Variants in LGALSL observed in about 807,000 individuals in gnomAD.
The protein encoded by LGALSL is galectin-related protein.
Under a neutral mutation model 19.5 loss-of-function variants are expected in LGALSL, and 13 were observed. That is an observed-to-expected ratio of 0.67 (90% CI 0.43 to 1.06). The LOEUF (loss-of-function observed/expected upper bound fraction) is 1.06, where lower values mean the gene tolerates loss of function less well. LGALSL is among the 50% of genes least tolerant of loss of function. The pLI is 0.00. For missense variants in LGALSL, 189 were observed against 219.3 expected, an observed-to-expected ratio of 0.86 and a Z score of 0.87; for synonymous variants, 86 against 78.3, an observed-to-expected ratio of 1.10 and a Z score of -0.52.
intron 1 of LGALSL, among the ~76,000 whole-genome samples, chr2:64,455,064 C>T (rs1033760397): frequency 6.6e-6 from 1 of 152,160 alleles, no homozygotes; most frequent in African/African-American, 2.4e-5. Flanking sequence ...AGGGGCCTGC[C>T]CTCCTCCGGC....
chr2:64,455,289 C>G (rs1686716135), intron 1 of LGALSL, 55 bp from the exon 2 acceptor site: 7 of 1,198,138 alleles, frequency 5.8e-6, no homozygotes, highest in African/African-American at 1.5e-5. Context: ...GGTTCTTCCT[C>G]CAGCCCCCCA....
At position 64,454,645 on chromosome 2, in the gene LGALSL, C is replaced by T. The variant is rs1572898488; in HGVS notation, c.36+64C>T. On this transcript the variant is annotated intron_variant, in intron 1 of 4. Coordinates refer to ENST00000238875, the MANE Select transcript of LGALSL (RefSeq NM_014181.3). The surrounding 1 kb of genome is among the most constrained non-coding windows in gnomAD (Gnocchi z 5.1). ...CCGTCCCGCACTCCGCCGCCGCCTG[C>T]TCCAGCAGTGCTGGGGTGCTGAGCA... The T allele has an allele frequency of 4.2e-6, 5 of 1,187,046 alleles. No individual in the cohort carries two copies. In the South Asian group the frequency reaches 1.0e-4, roughly 25 times the overall value. The allele number at this position is 1,187,046 out of a possible 1,614,324, so 73.5% of individuals were successfully genotyped here.
intron 3 of LGALSL, 79 bp downstream of exon 3, chr2:64,455,756 C>T: frequency 2.0e-6 from 2 of 1,006,970 alleles, no homozygotes; most frequent in African/African-American, 3.2e-5. Flanking sequence ...TTTAGCACTC[C>T]TCTTCCTCTC....
At chr2:64,455,284 T>G in intron 1 of LGALSL, 60 bp from the exon 2 acceptor site, 1 of 1,126,928 alleles carries the variant, frequency 8.9e-7, no homozygotes, top group Non-Finnish European at 1.4e-6. Flanking sequence ...GTGTGGGTTC[T>G]TCCTCCAGCC....
rs1686788714 is a variant in LGALSL at position 64,459,745 on chromosome 2, C to T, written c.*1317C>T. On this transcript the variant is annotated 3_prime_UTR_variant, in exon 5 of 5. Coordinates refer to ENST00000238875, the MANE Select transcript of LGALSL (RefSeq NM_014181.3). Reference sequence around the variant, plus strand: ...ATTAAGCTGTAGGTGTTACCCTGCACTTACGGAACTGATCAAACAGGTGAC... The same window carrying T: ...ATTAAGCTGTAGGTGTTACCCTGCATTTACGGAACTGATCAAACAGGTGAC... 2 of 152,196 alleles carry T rather than the reference C, an allele frequency of 1.3e-5. No individual in the cohort carries two copies. Among genetic ancestry groups the T allele is most frequent in the Non-Finnish European group, 2.9e-5 (2 of 68,038 alleles). 9.4% of individuals were successfully genotyped at this position (152,196 alleles called of 1,614,324 possible). A position where few individuals can be genotyped will look rare whatever the true frequency, so the allele number is the denominator to read the frequency against.
At chr2:64,455,253 C>A in intron 1 of LGALSL, 91 bp from the exon 2 acceptor site, 1 of 839,974 alleles carries the variant, frequency 1.2e-6, no homozygotes, top group Non-Finnish European at 2.1e-6. Context: ...ATGTGGAAGG[C>A]TGCTGGATTC....
intron 1 of LGALSL, among the ~76,000 whole-genome samples, chr2:64,455,007 A>G (rs1686709914): frequency 6.6e-6 from 1 of 152,078 alleles, no homozygotes; most frequent in African/African-American, 2.4e-5. Flanking sequence ...CACGTCCCGA[A>G]GGACAGGCCT....
chr2:64,454,577 TG>T lies in LGALSL; in HGVS notation c.34del (p.Val12Ter). On this transcript the variant is annotated frameshift_variant, in exon 1 of 5. Transcript: ENST00000238875. LOFTEE classifies it high-confidence loss of function. This position sits in a 1 kb window ranked among gnomAD's most constrained non-coding sequence, Gnocchi z 5.1. Reference sequence around the variant, plus strand: ...GGATCAGTGGCCGACAGCGATGCCGTGGTGGTGAGTGTGGCAGGGCGCGCGC... The same window carrying T: ...GGATCAGTGGCCGACAGCGATGCCGTGTGGTGAGTGTGGCAGGGCGCGCGC... MAGSVADSDA[V>X]VKLDDGHLNN... The T allele has an allele frequency of 6.9e-7, 1 of 1,445,550 alleles. No individual in the cohort carries two copies. Among genetic ancestry groups the T allele is most frequent in the South Asian group, 1.4e-5 (1 of 72,824 alleles). 89.5% of individuals were successfully genotyped at this position (1,445,550 alleles called of 1,614,324 possible). A position where few individuals can be genotyped will look rare whatever the true frequency, so the allele number is the denominator to read the frequency against.
intron 1 of LGALSL, 131 bp from the exon 2 acceptor site, chr2:64,455,213 G>A: frequency 1.4e-6 from 1 of 722,246 alleles, no homozygotes; most frequent in South Asian, 1.6e-5. Context: ...AAGAGACGGT[G>A]AAGAGGCATC....
Position 64,456,394 on chromosome 2 carries a change from A to G in LGALSL, c.304A>G (p.Ile102Val), listed in dbSNP as rs1686736889. The G allele has an allele frequency of 2.5e-6, 4 of 1,612,470 alleles. No individual in the cohort carries two copies. Among genetic ancestry groups the G allele is most frequent in the Non-Finnish European group, 3.4e-6 (4 of 1,179,270 alleles). The change falls in exon 4 of 5, where the codon ATA becomes GTA. Residue 102 changes from isoleucine to valine, a missense_variant. By Grantham distance (29) the Ile-to-Val change is conservative. Transcript: ENST00000238875. ...TDRQLLRNSC[I>V]SGERGEEQSA... ...TCGGCAGCTACTCAGAAATTCTTGT[A>G]TATCTGGGGAGAGGGGTGAAGAACA... is the stretch of plus-strand genomic sequence containing the variant.
Position 64,454,724 on chromosome 2 carries a change from C to T in LGALSL, c.36+143C>T, listed in dbSNP as rs1686703574. 4.3e-6 allele frequency: 2 copies of T among 463,076 alleles called. No individual in the cohort carries two copies. Among genetic ancestry groups the T allele is most frequent in the Non-Finnish European group, 6.7e-6 (2 of 299,362 alleles). The allele number at this position is 463,076 out of a possible 1,614,324, so 28.7% of individuals were successfully genotyped here. A position where few individuals can be genotyped will look rare whatever the true frequency, so the allele number is the denominator to read the frequency against. On this transcript the variant is annotated intron_variant, in intron 1 of 4. Transcript: ENST00000238875. The surrounding 1 kb of genome is among the most constrained non-coding windows in gnomAD (Gnocchi z 5.1). ...TGGGAAGGCGCCCGGTACCTGTTAG[C>T]AGCCGCTGGCTGCGCGCGGCCGGTG...
chr2:64,458,383 C>T lies in LGALSL; in HGVS notation c.474C>T (p.Asp158=), dbSNP rs776284272. 9 of 1,613,858 alleles carry T rather than the reference C, an allele frequency of 5.6e-6. No individual in the cohort carries two copies. The highest frequency in any genetic ancestry group is 1.6e-4 in the Middle Eastern group (1 of 6,062). Residue 158 remains aspartate, a synonymous_variant, in exon 5 of 5, where the codon GAC becomes GAT. Transcript: ENST00000238875. The stretch of plus-strand genomic sequence containing the variant: ...GCATTCAAACGTTATCTGCAATTGA[C>T]ACCATAAAGATAAATGGAGACCTCC... ...YHRIQTLSAI[D]TIKINGDLQI... is the part of the protein sequence containing the mutation.
Position 64,460,536 on chromosome 2 carries a change from T to C in LGALSL, c.*2108T>C, listed in dbSNP as rs1406970409. On this transcript the variant is annotated 3_prime_UTR_variant, in exon 5 of 5. Coordinates refer to ENST00000238875, the MANE Select transcript of LGALSL (RefSeq NM_014181.3). The stretch of plus-strand genomic sequence containing the variant: ...CGTGTACTGATTGGAATTGACACGC[T>C]TATTCTGTCTACCTATCAGCTAACT... 1 of 152,220 alleles carries C rather than the reference T, an allele frequency of 6.6e-6. No individual in the cohort carries two copies. The highest frequency in any genetic ancestry group is 1.5e-5 in the Non-Finnish European group (1 of 68,030). The allele number at this position is 152,220 out of a possible 1,614,324, so 9.4% of individuals were successfully genotyped here. A position where few individuals can be genotyped will look rare whatever the true frequency, so the allele number is the denominator to read the frequency against.
In LGALSL at chr2:64,460,757, T is replaced by G. The variant is rs1686813828; in HGVS notation, c.*2329T>G. Reference sequence around the variant, plus strand: ...TGAAAACAATATTCACACCCTCTCCTGGGCCTGTAAGGTCTAAGGTGAGAA... The same window carrying G: ...TGAAAACAATATTCACACCCTCTCCGGGGCCTGTAAGGTCTAAGGTGAGAA... On this transcript the variant is annotated 3_prime_UTR_variant, in exon 5 of 5. Coordinates refer to ENST00000238875, the MANE Select transcript of LGALSL (RefSeq NM_014181.3). 1 of 152,212 alleles carries G rather than the reference T, an allele frequency of 6.6e-6. No homozygotes were observed. Among genetic ancestry groups the G allele is most frequent in the African/African-American group, 2.4e-5 (1 of 41,454 alleles). The allele number at this position is 152,212 out of a possible 1,614,324, so 9.4% of individuals were successfully genotyped here. A position where few individuals can be genotyped will look rare whatever the true frequency, so the allele number is the denominator to read the frequency against.
intron 2 of LGALSL, 47 bp from the exon 3 acceptor site, chr2:64,455,542 T>C: frequency 6.4e-7 from 1 of 1,564,236 alleles, no homozygotes. Context: ...TCTTGGCTTT[T>C]CCCTAACAGG....
At position 64,458,393 on chromosome 2, in the gene LGALSL, A is replaced by G. The variant is rs1298077823; in HGVS notation, c.484A>G (p.Ile162Val). ...GTTATCTGCAATTGACACCATAAAG[A>G]TAAATGGAGACCTCCAGATCACCAA... is the stretch of plus-strand genomic sequence containing the variant. ...QTLSAIDTIK[I>V]NGDLQITKLG Residue 162 changes from isoleucine to valine, a missense_variant, in exon 5 of 5, where the codon ATA becomes GTA. Physicochemically the swap from Ile to Val is conservative, Grantham distance 29. Transcript: ENST00000238875. 2 of 1,613,956 alleles carry G rather than the reference A, an allele frequency of 1.2e-6. No homozygotes were observed. Among genetic ancestry groups the G allele is most frequent in the South Asian group, 1.1e-5 (1 of 91,040 alleles).
At chr2:64,455,506 G>C in intron 2 of LGALSL, 83 bp from the exon 3 acceptor site, 5 of 1,492,558 alleles carry the variant, frequency 3.3e-6, no homozygotes, top group Non-Finnish European at 4.7e-6. Flanking sequence ...GCATTTTCCA[G>C]TGGGTCAGGC....
rs1484099189 is a variant in LGALSL at position 64,460,660 on chromosome 2, G to A, written c.*2232G>A. 1 of 152,168 alleles carries A rather than the reference G, an allele frequency of 6.6e-6. No homozygotes were observed. The highest frequency in any genetic ancestry group is 1.5e-5 in the Non-Finnish European group (1 of 68,030). 9.4% of individuals were successfully genotyped at this position (152,168 alleles called of 1,614,324 possible). A position where few individuals can be genotyped will look rare whatever the true frequency, so the allele number is the denominator to read the frequency against. The stretch of plus-strand genomic sequence containing the variant: ...TGGGAACCGCTTGGATAAGCCTATT[G>A]GGATTAATCTAAATGATGTGATGAT... On this transcript the variant is annotated 3_prime_UTR_variant, in exon 5 of 5. Transcript: ENST00000238875.
rs1335083596 is a variant in LGALSL at position 64,454,481 on chromosome 2, A to T, written c.-65A>T. 1.1e-6 allele frequency: 1 copy of T among 911,732 alleles called. No homozygotes were observed. Among genetic ancestry groups the T allele is most frequent in the Non-Finnish European group, 1.4e-6 (1 of 709,588 alleles). 56.5% of individuals were successfully genotyped at this position (911,732 alleles called of 1,614,324 possible). On this transcript the variant is annotated 5_prime_UTR_variant, in exon 1 of 5. Coordinates refer to ENST00000238875, the MANE Select transcript of LGALSL (RefSeq NM_014181.3). This position sits in a 1 kb window ranked among gnomAD's most constrained non-coding sequence, Gnocchi z 5.1. The stretch of plus-strand genomic sequence containing the variant: ...CCGCGCCCCCGCCCCCGCCCCGCGC[A>T]GGACAGCCCCGGGATCCCCGCCCGC...
Sources: gnomAD v4.1 joint callset for allele counts (sites outside exome capture counted in the v4.1 genomes callset) on GRCh38, gnomAD v4.1.1 for gene constraint, Gnocchi (gnomAD v3.1) non-coding constraint, MANE v1.5 for transcripts, NCBI Gene and HGNC (gene_info 2026-07-23, HGNC 2026-07-21) for gene names.